Variants in DKK2 observed in about 807,000 individuals in gnomAD.
The protein encoded by DKK2 is dickkopf Wnt signaling pathway inhibitor 2, also known as dickkopf-related protein 2.
Under a neutral mutation model 28.1 loss-of-function variants are expected in DKK2, and 11 were observed. That is an observed-to-expected ratio of 0.39 (90% CI 0.25 to 0.65). The LOEUF is 0.65. DKK2 is among the 30% of genes least tolerant of loss of function. The pLI is 0.47. For missense variants in DKK2, 326 were observed against 335.5 expected, an observed-to-expected ratio of 0.97 and a Z score of 0.22; for synonymous variants, 135 against 126.5, an observed-to-expected ratio of 1.07 and a Z score of -0.45.
At chr4:107,001,821 G>A (rs1475699391) in intron 1 of DKK2, among the ~76,000 whole-genome samples, 1 of 152,084 alleles carries the variant, frequency 6.6e-6, no homozygotes, top group Admixed American at 6.6e-5. Context: ...ATAAGGAAAG[G>A]GTGCATCTAT....
chr4:106,990,318 G>A (rs1314017000), intron 1 of DKK2, among the ~76,000 whole-genome samples: 5 of 152,300 alleles, frequency 3.3e-5, no homozygotes, highest in South Asian at 2.1e-4. Flanking sequence ...AACAAAAGAC[G>A]TAGTGTAGTA....
intron 1 of DKK2, among the ~76,000 whole-genome samples, chr4:106,984,501 G>A (rs1416322099): frequency 6.6e-6 from 1 of 152,206 alleles, no homozygotes; most frequent in Non-Finnish European, 1.5e-5. Context: ...AGTCCATGCT[G>A]TAGCATGTAT....
chr4:106,938,010 A>C (rs1724626866), intron 1 of DKK2, among the ~76,000 whole-genome samples: 8 of 140,162 alleles, frequency 5.7e-5, no homozygotes, highest in Admixed American at 7.2e-5. Flanking sequence ...CCCACAAGAG[A>C]AAGCAGGAAA....
At chr4:107,019,716 T>C (rs2110372771) in intron 1 of DKK2, among the ~76,000 whole-genome samples, 1 of 152,148 alleles carries the variant, frequency 6.6e-6, no homozygotes, top group African/African-American at 2.4e-5. Context: ...CATCATTGTG[T>C]TAAAAGCAGC....
intron 1 of DKK2, among the ~76,000 whole-genome samples, chr4:106,940,605 C>A (rs1414169623): frequency 6.6e-6 from 1 of 150,718 alleles, no homozygotes; most frequent in Non-Finnish European, 1.5e-5. Flanking sequence ...CATCCCATTA[C>A]TGGGTATATA....
chr4:106,924,568 T>C lies in DKK2; in HGVS notation c.506A>G (p.His169Arg). ...ACCTTTTATATGTGACATCTTAGTGTGTGGTCTTCCTAGATTCTGCCATCC... is the reference window on the plus strand; with the variant it reads ...ACCTTTTATATGTGACATCTTAGTGCGTGGTCTTCCTAGATTCTGCCATCC... ...DLGWQNLGRP[H>R]TKMSHIKGHE... Residue 169 changes from histidine to arginine, a missense_variant, in exon 3 of 4, where the codon CAC becomes CGC. His to Arg is a conservative substitution (Grantham distance 29, BLOSUM62 0). Transcript: ENST00000285311. The C allele has an allele frequency of 6.2e-7, 1 of 1,613,832 alleles. No homozygotes were observed. Among genetic ancestry groups the C allele is most frequent in the Non-Finnish European group, 8.5e-7 (1 of 1,179,798 alleles).
At position 107,022,270 on chromosome 4, in the gene DKK2, T is replaced by C. The variant is rs112574874; in HGVS notation, c.222+13100A>G. Among the ~76,000 whole-genome samples, 698 of 152,260 alleles carry C rather than the reference T, an allele frequency of 4.6e-3. 4 individuals are homozygous for C. Among genetic ancestry groups the C allele is most frequent in the African/African-American group, 0.014 (583 of 41,552 alleles). On this transcript the variant is annotated intron_variant, in intron 1 of 3. Transcript: ENST00000285311. Reference sequence around the variant, plus strand: ...TTTGTTTTTATTGCTACATATACCTTGTCCTAAATGTTTGTTGACTGTGAT... The same window carrying C: ...TTTGTTTTTATTGCTACATATACCTCGTCCTAAATGTTTGTTGACTGTGAT...
intron 1 of DKK2, among the ~76,000 whole-genome samples, chr4:106,985,196 G>T (rs1723098090): frequency 7.5e-6 from 1 of 133,348 alleles, no homozygotes; most frequent in East Asian, 2.2e-4. Flanking sequence ...GCGACAGAGC[G>T]ATACTCCATC....
At chr4:107,012,585 G>A (rs532938400) in intron 1 of DKK2, among the ~76,000 whole-genome samples, 2 of 151,360 alleles carry the variant, frequency 1.3e-5, no homozygotes, top group East Asian at 3.9e-4. Flanking sequence ...GAATATACTA[G>A]TTCATATATC....
At chr4:106,924,489 T>C (rs1724396419) in intron 3 of DKK2, 56 bp downstream of exon 3, 1 of 1,561,718 alleles carries the variant, frequency 6.4e-7, no homozygotes, top group African/African-American at 1.4e-5. Flanking sequence ...TAATTATCTA[T>C]ATTTTTCTTC....
chr4:107,003,078 A>T (rs1481012815), intron 1 of DKK2, among the ~76,000 whole-genome samples: 1 of 152,206 alleles, frequency 6.6e-6, no homozygotes, highest in Non-Finnish European at 1.5e-5. Flanking sequence ...GTTCCTCAAA[A>T]GTGGTGGCAG....
At chr4:106,967,765 A>T (rs574773206) in intron 1 of DKK2, among the ~76,000 whole-genome samples, 5 of 151,572 alleles carry the variant, frequency 3.3e-5, no homozygotes, top group African/African-American at 1.2e-4. Context: ...AAGAAAGGGA[A>T]TTAGGAAAGG....
chr4:106,956,918 A>C (rs370839489), intron 1 of DKK2, among the ~76,000 whole-genome samples: 74 of 151,276 alleles, frequency 4.9e-4, no homozygotes, highest in East Asian at 1.7e-3. Context: ...TAATTAAACT[A>C]AAGAGCTTCT....
intron 1 of DKK2, among the ~76,000 whole-genome samples, chr4:106,984,549 G>A (rs1204003999): frequency 6.6e-6 from 1 of 152,104 alleles, no homozygotes; most frequent in Non-Finnish European, 1.5e-5. Context: ...ATCTTATATT[G>A]TATGTATATA....
At chr4:106,978,842 C>G (rs1316378589) in intron 1 of DKK2, among the ~76,000 whole-genome samples, 1 of 151,968 alleles carries the variant, frequency 6.6e-6, no homozygotes, top group Non-Finnish European at 1.5e-5. Context: ...AGTGTCTGCC[C>G]AAACAGCCTC....
intron 1 of DKK2, among the ~76,000 whole-genome samples, chr4:106,937,005 C>T (rs1009822344): frequency 1.3e-4 from 20 of 151,466 alleles, no homozygotes; most frequent in Non-Finnish European, 1.3e-4. Flanking sequence ...CCAGCCGCTG[C>T]AAAATCATGC....
chr4:106,937,437 C>G (rs2110342297), intron 1 of DKK2, among the ~76,000 whole-genome samples: 1 of 127,304 alleles, frequency 7.9e-6, no homozygotes, highest in South Asian at 3.0e-4. Flanking sequence ...TATATATGCA[C>G]CCAATACAGG....
chr4:106,988,215 G>A (rs555772614), intron 1 of DKK2, among the ~76,000 whole-genome samples: 1 of 152,278 alleles, frequency 6.6e-6, no homozygotes, highest in Admixed American at 6.5e-5. Flanking sequence ...AAGAGGTGAA[G>A]GGGCAGTGGT....
chr4:106,984,255 C>T (rs889670892), intron 1 of DKK2, among the ~76,000 whole-genome samples: 14 of 152,180 alleles, frequency 9.2e-5, no homozygotes, highest in African/African-American at 2.7e-4. Context: ...ACACTAAGTA[C>T]ATTCACAGTG....
Sources: allele counts gnomAD v4.1 joint callset (sites outside exome capture counted in the v4.1 genomes callset), GRCh38; gene constraint gnomAD v4.1.1; transcripts MANE v1.5; gene names NCBI Gene and HGNC (gene_info 2026-07-23, HGNC 2026-07-21).